Variants in CPLX1 observed in about 807,000 individuals in gnomAD.
The protein encoded by CPLX1 is complexin 1.
Under a neutral mutation model 15.6 loss-of-function variants are expected in CPLX1, and 6 were observed. That is an observed-to-expected ratio of 0.39 (90% CI 0.21 to 0.76). CPLX1 has a LOEUF of 0.76. Among genes scored for constraint, CPLX1 ranks in the 30% least tolerant of loss-of-function variants. The pLI is 0.43. For missense variants in CPLX1, 242 were observed against 188.6 expected, an observed-to-expected ratio of 1.28 and a Z score of -1.66; for synonymous variants, 91 against 75.2, an observed-to-expected ratio of 1.21 and a Z score of -1.08.
At chr4:813,082 T>G (rs1380780624) in intron 2 of CPLX1, among the ~76,000 whole-genome samples, 2 of 151,794 alleles carry the variant, frequency 1.3e-5, no homozygotes, top group African/African-American at 4.8e-5. Flanking sequence ...CTGGCCAACA[T>G]GGTGAAACCC....
At chr4:824,847 C>A in intron 1 of CPLX1, 1 of 549,220 alleles carries the variant, frequency 1.8e-6, no homozygotes, top group Non-Finnish European at 3.4e-6. Context: ...CTGCTGATGG[C>A]TTAGGGGGCA....
Position 792,414 on chromosome 4 carries a change from G to T in CPLX1, c.207+19C>A, listed in dbSNP as rs2152643090. ...ACTCAGGGCCGCCTTCCCGCAGGCG[G>T]GGCCGGCCCGGCGCGCACCTTGTCT... is the stretch of plus-strand genomic sequence containing the variant. On this transcript the variant is annotated intron_variant, in intron 3 of 3. Transcript: ENST00000304062. 6.6e-7 allele frequency: 1 copy of T among 1,511,422 alleles called. No homozygotes were observed. The highest frequency in any genetic ancestry group is 2.5e-5 in the East Asian group (1 of 40,312). The allele number at this position is 1,511,422 out of a possible 1,614,324, so 93.6% of individuals were successfully genotyped here. A position where few individuals can be genotyped will look rare whatever the true frequency, so the allele number is the denominator to read the frequency against.
chr4:786,488 G>C lies in CPLX1; in HGVS notation c.*13C>G, dbSNP rs371166926. 32 of 1,549,300 alleles carry C rather than the reference G, an allele frequency of 2.1e-5. No individual in the cohort carries two copies. The East Asian group carries it at 5.3e-4, about 26-fold the overall frequency. Reference sequence around the variant, plus strand: ...GGGGCGGGGGCTCCGCGGGGCCGCTGTCCCGCGCGCGGCTACTTCTTGAGC... The same window carrying C: ...GGGGCGGGGGCTCCGCGGGGCCGCTCTCCCGCGCGCGGCTACTTCTTGAGC... On this transcript the variant is annotated 3_prime_UTR_variant, in exon 4 of 4. Transcript: ENST00000304062.
intron 2 of CPLX1, among the ~76,000 whole-genome samples, chr4:818,653 C>T (rs972290312): frequency 2.0e-5 from 3 of 152,250 alleles, no homozygotes; most frequent in Non-Finnish European, 2.9e-5. Context: ...GGGAAGAGGC[C>T]GAATGAGGGC....
rs538083032 is a variant in CPLX1, at chr4:788,164, C to T, written c.208-1466G>A. ...CTGCCATCTCCTGCTCCTGTCTCAGCAGCCCCTCCCCATAGAAGCAGTTGG... is the reference window on the plus strand; with the variant it reads ...CTGCCATCTCCTGCTCCTGTCTCAGTAGCCCCTCCCCATAGAAGCAGTTGG... On this transcript the variant is annotated intron_variant, in intron 3 of 3. Coordinates refer to ENST00000304062, the MANE Select transcript of CPLX1 (RefSeq NM_006651.4). The T allele has an allele frequency of 1.0e-5, 10 of 985,326 alleles. No individual in the cohort carries two copies. In the South Asian group the frequency reaches 4.2e-4, roughly 42 times the overall value. 61.0% of individuals were successfully genotyped at this position (985,326 alleles called of 1,614,324 possible).
At chr4:801,180 G>A (rs1242378372) in intron 2 of CPLX1, among the ~76,000 whole-genome samples, 1 of 151,436 alleles carries the variant, frequency 6.6e-6, no homozygotes, top group Non-Finnish European at 1.5e-5. Context: ...AAATTAGGCA[G>A]GCGTGGTGGC....
rs376101131 is a variant in CPLX1 at position 785,558 on chromosome 4, G to C, written c.*943C>G. The C allele has an allele frequency of 6.6e-6, 1 of 152,058 alleles. No homozygotes were observed. The highest frequency in any genetic ancestry group is 2.1e-4 in the South Asian group (1 of 4,784). The allele number at this position is 152,058 out of a possible 1,614,324, so 9.4% of individuals were successfully genotyped here. On this transcript the variant is annotated 3_prime_UTR_variant, in exon 4 of 4. Transcript: ENST00000304062. ...ATGAATGGAGGAGAAACAGGGGCTCGGATGCCGCCCCGCAGGGCCACCAGG... is the reference window on the plus strand; with the variant it reads ...ATGAATGGAGGAGAAACAGGGGCTCCGATGCCGCCCCGCAGGGCCACCAGG...
At chr4:797,706 G>A (rs549892461) in intron 2 of CPLX1, among the ~76,000 whole-genome samples, 11 of 151,630 alleles carry the variant, frequency 7.3e-5, no homozygotes, top group Admixed American at 1.3e-4. Flanking sequence ...GGCCAAGACC[G>A]GCGGATCACG....
rs533918323 is a variant in CPLX1, at chr4:808,291, G to A, written c.32-15683C>T. Among the ~76,000 whole-genome samples the A allele has an allele frequency of 1.3e-4, 20 of 152,172 alleles. No individual in the cohort carries two copies. The South Asian group carries it at 3.9e-3, about 30-fold the overall frequency. On this transcript the variant is annotated intron_variant, in intron 2 of 3. Coordinates refer to ENST00000304062, the MANE Select transcript of CPLX1 (RefSeq NM_006651.4). ...ATAAAAATCCTCCTCCTGGGCCCTT[G>A]TAAATGTAACATCTCTCTAACAACA...
intron 3 of CPLX1, 26 bp from the exon 4 acceptor site, chr4:786,724 G>T (rs773014362): frequency 6.4e-7 from 1 of 1,563,030 alleles, no homozygotes; most frequent in Non-Finnish European, 8.7e-7. Flanking sequence ...GGGTCAGGGC[G>T]GGGGTCCCGG....
intron 2 of CPLX1, among the ~76,000 whole-genome samples, chr4:814,284 C>T (rs1282041787): frequency 6.6e-6 from 1 of 152,180 alleles, no homozygotes; most frequent in Non-Finnish European, 1.5e-5. Flanking sequence ...GCAATCTCAG[C>T]TCACTGCAAC....
At chr4:825,259 T>C (rs1270675590) in intron 1 of CPLX1, among the ~76,000 whole-genome samples, 2 of 152,108 alleles carry the variant, frequency 1.3e-5, no homozygotes, top group Non-Finnish European at 2.9e-5. Flanking sequence ...GGGAAGCCGC[T>C]TTCTGAAATC....
At chr4:802,908 G>A (rs987650816) in intron 2 of CPLX1, among the ~76,000 whole-genome samples, 4 of 149,118 alleles carry the variant, frequency 2.7e-5, no homozygotes, top group Non-Finnish European at 4.4e-5. Flanking sequence ...CCGAGACTGC[G>A]CCACTGTACT....
rs903791605 is a variant in CPLX1 at position 790,042 on chromosome 4, C to G, written c.207+2391G>C. Among the ~76,000 whole-genome samples, 5 of 99,058 alleles carry G rather than the reference C, an allele frequency of 5.0e-5. No homozygotes were observed. The East Asian group carries it at 1.2e-3, about 24-fold the overall frequency. The allele number at this position is 99,058 out of a possible 152,430, so 65.0% of individuals were successfully genotyped here. A position where few individuals can be genotyped will look rare whatever the true frequency, so the allele number is the denominator to read the frequency against. Reference sequence around the variant, plus strand: ...CCTGAGGGCGGGGTTCCCCCACCCCCCAAAGGCCACGCCTGAGGGCAGCGT... The same window carrying G: ...CCTGAGGGCGGGGTTCCCCCACCCCGCAAAGGCCACGCCTGAGGGCAGCGT... On this transcript the variant is annotated intron_variant, in intron 3 of 3. Coordinates refer to ENST00000304062, the MANE Select transcript of CPLX1 (RefSeq NM_006651.4).
intron 2 of CPLX1, among the ~76,000 whole-genome samples, chr4:818,266 C>T (rs2152648194): frequency 6.6e-6 from 1 of 152,348 alleles, no homozygotes; most frequent in Non-Finnish European, 1.5e-5. Context: ...GCCCGCCTGA[C>T]CTGCTCACCT....
chr4:800,800 C>A (rs1049062550), intron 2 of CPLX1, among the ~76,000 whole-genome samples: 2 of 147,456 alleles, frequency 1.4e-5, no homozygotes, highest in Non-Finnish European at 3.0e-5. Flanking sequence ...TATATACATA[C>A]ACACACGTAT....
intron 2 of CPLX1, among the ~76,000 whole-genome samples, chr4:798,272 C>CAAAAAAAA (rs35668656): frequency 2.6e-5 from 2 of 75,486 alleles, no homozygotes; most frequent in Non-Finnish European, 5.5e-5. Flanking sequence ...GACTCCGTCT[C>CAAAAAAAA]AAAAAAAAAA....
chr4:806,832 T>C (rs1277166885), intron 2 of CPLX1, among the ~76,000 whole-genome samples: 1 of 152,198 alleles, frequency 6.6e-6, no homozygotes, highest in Non-Finnish European at 1.5e-5. Flanking sequence ...AAACAACAGA[T>C]GCTGGGAAGG....
chr4:786,300 G>A lies in CPLX1; in HGVS notation c.*201C>T, dbSNP rs1745984015. ...GGGGCTCCAGCCACCCGCGGGCAGAGGAGCACGGGGCGGACTGGGGGGGTC... is the reference window on the plus strand; with the variant it reads ...GGGGCTCCAGCCACCCGCGGGCAGAAGAGCACGGGGCGGACTGGGGGGGTC... On this transcript the variant is annotated 3_prime_UTR_variant, in exon 4 of 4. Transcript: ENST00000304062. The A allele has an allele frequency of 6.7e-6, 3 of 445,990 alleles. No homozygotes were observed. The highest frequency in any genetic ancestry group is 4.3e-5 in the Admixed American group (1 of 23,460). The allele number at this position is 445,990 out of a possible 1,614,324, so 27.6% of individuals were successfully genotyped here.
Sources: gnomAD v4.1 joint callset for allele counts (sites outside exome capture counted in the v4.1 genomes callset) on GRCh38, gnomAD v4.1.1 for gene constraint, MANE v1.5 for transcripts, NCBI Gene and HGNC (gene_info 2026-07-23, HGNC 2026-07-21) for gene names.